SMIM17: variants seen among roughly 807,000 people sequenced by gnomAD.
SMIM17 encodes the protein small integral membrane protein 17.
In SMIM17, 10 loss-of-function variants were observed where a neutral mutation model predicts 12.2. The observed-to-expected ratio is 0.82, with a 90% CI of 0.50 to 1.39. The LOEUF (loss-of-function observed/expected upper bound fraction) is 1.39, where lower values mean the gene tolerates loss of function less well. Ranked by LOEUF, SMIM17 falls within the 40% of genes most tolerant of loss-of-function variation. The pLI, the probability that SMIM17 is intolerant of heterozygous loss-of-function variation, is 0.00. For missense variants in SMIM17, 136 were observed against 118.2 expected, an observed-to-expected ratio of 1.15 and a Z score of -0.70; for synonymous variants, 50 against 44.1, an observed-to-expected ratio of 1.13 and a Z score of -0.53.
At chr19:56,651,512 GT>G (rs572498719) in intron 3 of SMIM17, among the ~76,000 whole-genome samples, 2 of 152,096 alleles carry the variant, frequency 1.3e-5, no homozygotes, top group Non-Finnish European at 2.9e-5. Context: ...CATCATTACC[GT>G]TCCATAAAAT....
At chr19:56,654,693 T>C (rs979891809) in intron 3 of SMIM17, among the ~76,000 whole-genome samples, 1 of 152,120 alleles carries the variant, frequency 6.6e-6, no homozygotes, top group South Asian at 2.1e-4. Flanking sequence ...CAATATTTGT[T>C]TGGGGACATG....
intron 3 of SMIM17, among the ~76,000 whole-genome samples, chr19:56,653,372 C>A (rs915568057): frequency 2.0e-5 from 3 of 152,140 alleles, no homozygotes; most frequent in African/African-American, 7.2e-5. Context: ...ACGTGCTGGA[C>A]AGTTTTCCAT....
intron 2 of SMIM17, among the ~76,000 whole-genome samples, chr19:56,647,337 C>A (rs968803691): frequency 6.6e-6 from 1 of 151,240 alleles, no homozygotes; most frequent in African/African-American, 2.4e-5. Context: ...CCATCTGAAT[C>A]ATCACATAGG....
Position 56,645,793 on chromosome 19 carries a change from G to A in SMIM17, c.126G>A (p.Glu42=). The A allele has an allele frequency of 1.3e-6, 2 of 1,535,926 alleles. No homozygotes were observed. The highest frequency in any genetic ancestry group is 1.7e-6 in the Non-Finnish European group (2 of 1,146,834). The change falls in exon 2 of 4, where the codon GAG becomes GAA. Residue 42 remains glutamate, a synonymous_variant. Coordinates refer to ENST00000598409, the MANE Select transcript of SMIM17 (RefSeq NM_001193628.2). The part of the protein sequence containing the change: ...PPHPACTKDW[E]AVEVGASSHD... Reference sequence around the variant, plus strand: ...ATCCCGCCTGCACCAAAGACTGGGAGGCTGTGGAGGTTGGGGCCTCCAGCC... The same window carrying A: ...ATCCCGCCTGCACCAAAGACTGGGAAGCTGTGGAGGTTGGGGCCTCCAGCC...
intron 3 of SMIM17, among the ~76,000 whole-genome samples, chr19:56,652,920 G>A (rs1458467632): frequency 6.6e-6 from 1 of 152,178 alleles, no homozygotes; most frequent in Admixed American, 6.5e-5. Context: ...CTGAAAAACA[G>A]AAATAAAGAG....
chr19:56,654,822 G>A (rs1337103812), intron 3 of SMIM17, among the ~76,000 whole-genome samples: 2 of 152,144 alleles, frequency 1.3e-5, no homozygotes, highest in African/African-American at 2.4e-5. Flanking sequence ...TTGAGGGGGT[G>A]GGGTCATTAG....
At chr19:56,644,583 G>C (rs1448124453) in intron 1 of SMIM17, among the ~76,000 whole-genome samples, 1 of 152,184 alleles carries the variant, frequency 6.6e-6, no homozygotes, top group Non-Finnish European at 1.5e-5. Flanking sequence ...TAGCTGAGTT[G>C]CATGGTGCAG....
At chr19:56,647,875 T>C (rs1017376591) in intron 3 of SMIM17, among the ~76,000 whole-genome samples, 1 of 152,016 alleles carries the variant, frequency 6.6e-6, no homozygotes, top group African/African-American at 2.4e-5. Context: ...TGCATCCACC[T>C]CTGTACTTCA....
intron 3 of SMIM17, among the ~76,000 whole-genome samples, chr19:56,653,705 C>T (rs187521342): frequency 4.2e-4 from 64 of 152,280 alleles, no homozygotes; most frequent in African/African-American, 1.5e-3. Context: ...TTGGGAACTG[C>T]TTAAGTGGGT....
chr19:56,644,770 G>T (rs530800874), intron 1 of SMIM17, among the ~76,000 whole-genome samples: 1 of 151,190 alleles, frequency 6.6e-6, no homozygotes, highest in South Asian at 2.1e-4. Context: ...GAGTCCTCTT[G>T]ATTGACTCAT....
rs544381396 is a variant in SMIM17 at position 56,647,144 on chromosome 19, C to T, written c.170-414C>T. On this transcript the variant is annotated intron_variant, in intron 2 of 3. Coordinates refer to ENST00000598409, the MANE Select transcript of SMIM17 (RefSeq NM_001193628.2). ...GGGAAGCCTCCATCATCCTGGTTTACTTCTGTGGCTTTTTCTTCTGCTCCT... is the reference window on the plus strand; with the variant it reads ...GGGAAGCCTCCATCATCCTGGTTTATTTCTGTGGCTTTTTCTTCTGCTCCT... 1.7e-4 allele frequency among the ~76,000 whole-genome samples: 26 copies of T among 152,278 alleles called. 1 individual carries two copies. Among genetic ancestry groups the T allele is most frequent in the Non-Finnish European group, 3.7e-4 (25 of 68,034 alleles).
chr19:56,643,852 G>A (rs746983536), intron 1 of SMIM17, among the ~76,000 whole-genome samples: 3 of 152,210 alleles, frequency 2.0e-5, no homozygotes, highest in Non-Finnish European at 4.4e-5. Flanking sequence ...CAGCAGGGCT[G>A]GGCACAAGGA....
intron 3 of SMIM17, among the ~76,000 whole-genome samples, chr19:56,654,718 T>C (rs578187132): frequency 5.0e-4 from 76 of 152,232 alleles, no homozygotes; most frequent in African/African-American, 1.7e-3. Context: ...GTTTAAGATG[T>C]CCATCAGATA....
intron 1 of SMIM17, among the ~76,000 whole-genome samples, chr19:56,643,817 T>C (rs2045042367): frequency 6.6e-6 from 1 of 152,196 alleles, no homozygotes; most frequent in Non-Finnish European, 1.5e-5. Context: ...GCCACCTTTA[T>C]GTGAGAAAAG....
intron 2 of SMIM17, 138 bp downstream of exon 2, chr19:56,645,974 C>A: frequency 2.0e-6 from 2 of 1,008,824 alleles, no homozygotes; most frequent in Non-Finnish European, 2.8e-6. Context: ...TCAGCTTTTG[C>A]TGTGTAACAA....
chr19:56,654,035 G>A (rs2045129384), intron 3 of SMIM17, among the ~76,000 whole-genome samples: 1 of 152,032 alleles, frequency 6.6e-6, no homozygotes, highest in Admixed American at 6.6e-5. Flanking sequence ...TAAACATTTT[G>A]TCTTCTCATC....
intron 1 of SMIM17, among the ~76,000 whole-genome samples, chr19:56,644,545 C>T (rs975267355): frequency 6.6e-6 from 1 of 152,154 alleles, no homozygotes; most frequent in Non-Finnish European, 1.5e-5. Flanking sequence ...TGGGCGACAC[C>T]AGTCCCATGC....
rs1410220778 is a variant in SMIM17, at chr19:56,645,691, G to A, written c.24G>A (p.Gln8=). Residue 8 remains glutamine (Q), a synonymous_variant, in exon 2 of 4, where the codon CAG becomes CAA. Coordinates refer to ENST00000598409, the MANE Select transcript of SMIM17 (RefSeq NM_001193628.2). The part of the protein sequence containing the change: MQSLRPE[Q]TRGLLEPERT... ...CAATGCAGAGTCTCAGGCCTGAGCA[G>A]ACACGGGGGCTGCTGGAGCCTGAGA... 6.5e-7 allele frequency: 1 copy of A among 1,534,060 alleles called. No homozygotes were observed. Among genetic ancestry groups the A allele is most frequent in the East Asian group, 2.4e-5 (1 of 40,834 alleles).
At chr19:56,644,707 G>C (rs1320070518) in intron 1 of SMIM17, among the ~76,000 whole-genome samples, 11 of 152,188 alleles carry the variant, frequency 7.2e-5, no homozygotes, top group African/African-American at 2.7e-4. Flanking sequence ...CAATAGAGAA[G>C]TATTTCTCTG....
Sources: allele counts gnomAD v4.1 joint callset (sites outside exome capture counted in the v4.1 genomes callset), GRCh38; gene constraint gnomAD v4.1.1; transcripts MANE v1.5; gene names NCBI Gene and HGNC (gene_info 2026-07-23, HGNC 2026-07-21).